The following CTNNA2 variants were observed in gnomAD, a reference collection of about 807,000 sequenced individuals.
CTNNA2 encodes the protein catenin alpha 2, also known as catenin alpha-2.
In CTNNA2, 42 loss-of-function variants were observed where a neutral mutation model predicts 101.0. The ratio of observed to expected loss-of-function variants is 0.42; its 90% confidence interval spans 0.32 to 0.54. The LOEUF (loss-of-function observed/expected upper bound fraction) is 0.54, where lower values mean the gene tolerates loss of function less well. Ranked by LOEUF, CTNNA2 falls within the 20% of genes least tolerant of loss-of-function variation. CTNNA2 has a pLI of 0.14. For synonymous variants in CTNNA2, 450 were observed against 456.4 expected (o/e 0.99, Z 0.18); for missense variants, 871 against 1,223.1 (o/e 0.71, Z 4.29).
chr2:79,651,263 A>G (rs1681228166), intron 1 of CTNNA2, among the ~76,000 whole-genome samples: 1 of 152,184 alleles, frequency 6.6e-6, no homozygotes, highest in African/African-American at 2.4e-5. Context: ...GCAGATAGGT[A>G]TGCATACTCA....
Position 80,629,652 on chromosome 2 carries a change from G to C in CTNNA2, c.2574+10424G>C, listed in dbSNP as rs145373220. Among the ~76,000 whole-genome samples the C allele has an allele frequency of 3.9e-3, 593 of 152,148 alleles. 7 individuals are homozygous for C. Among genetic ancestry groups the C allele is most frequent in the African/African-American group, 0.012 (492 of 41,518 alleles). Reference sequence around the variant, plus strand: ...AGGAAAACTGGGTTTGCTTCTTCAGGCTGGTTCAGTCTAGCCTCGTTTGGA... The same window carrying C: ...AGGAAAACTGGGTTTGCTTCTTCAGCCTGGTTCAGTCTAGCCTCGTTTGGA... On this transcript the variant is annotated intron_variant, in intron 18 of 18. Transcript: ENST00000402739.
chr2:79,599,084 C>G (rs1043690929), intron 1 of CTNNA2, among the ~76,000 whole-genome samples: 14 of 152,096 alleles, frequency 9.2e-5, no homozygotes, highest in Admixed American at 2.0e-4. Context: ...GTTGCCTTCT[C>G]TCTTTTGTGA....
intron 9 of CTNNA2, among the ~76,000 whole-genome samples, chr2:80,484,183 A>T (rs1434455977): frequency 1.3e-5 from 2 of 152,124 alleles, no homozygotes; most frequent in East Asian, 3.9e-4. Flanking sequence ...AATTTAAAGT[A>T]TGCTCACTTA....
intron 8 of CTNNA2, among the ~76,000 whole-genome samples, chr2:80,408,707 A>C: frequency 6.6e-6 from 1 of 152,192 alleles, no homozygotes; most frequent in East Asian, 1.9e-4. Flanking sequence ...TTGGGACATA[A>C]GGCTGGGAGT....
chr2:80,639,535 G>GTGTGTGTGTC (rs1224617726), intron 18 of CTNNA2, among the ~76,000 whole-genome samples: 1 of 151,802 alleles, frequency 6.6e-6, no homozygotes, highest in African/African-American at 2.4e-5. Context: ...GTGTGTGTGT[G>GTGTGTGTGTC]TGTGTCTGTG....
chr2:79,982,366 CAT>C (rs376540063), intron 7 of CTNNA2, among the ~76,000 whole-genome samples: 27,617 of 118,482 alleles, frequency 0.23, 4,218 homozygotes, highest in African/African-American at 0.43. Flanking sequence ...ACCTATATAA[CAT>C]ATATATAACA....
At chr2:79,716,743 G>A (rs569401847) in intron 2 of CTNNA2, among the ~76,000 whole-genome samples, 13 of 152,064 alleles carry the variant, frequency 8.5e-5, no homozygotes, top group African/African-American at 1.4e-4. Flanking sequence ...TTACACAGCC[G>A]TTGAAGAGTG....
At chr2:80,004,248 C>T (rs909789474) in intron 7 of CTNNA2, among the ~76,000 whole-genome samples, 1 of 152,232 alleles carries the variant, frequency 6.6e-6, no homozygotes, top group Admixed American at 6.5e-5. Context: ...GAGTAATATT[C>T]CTTGCAGACT....
intron 1 of CTNNA2, among the ~76,000 whole-genome samples, chr2:79,615,834 G>A (rs6547249): frequency 0.16 from 24,641 of 152,102 alleles, 3,447 homozygotes; most frequent in African/African-American, 0.39. Flanking sequence ...GTGTTTGTAT[G>A]TGCGTGTTGG....
At chr2:80,241,510 C>A (rs971778319) in intron 7 of CTNNA2, among the ~76,000 whole-genome samples, 9 of 151,984 alleles carry the variant, frequency 5.9e-5, no homozygotes. Context: ...CATGAACACC[C>A]TTCTTACATT....
chr2:80,539,099 A>G (rs976386089), intron 9 of CTNNA2, among the ~76,000 whole-genome samples: 9 of 152,052 alleles, frequency 5.9e-5, no homozygotes, highest in East Asian at 5.8e-4. Context: ...GCTCACTGTA[A>G]CCTCCACCTC....
At chr2:80,284,790 G>C (rs574847310) in intron 7 of CTNNA2, among the ~76,000 whole-genome samples, 1 of 152,030 alleles carries the variant, frequency 6.6e-6, no homozygotes, top group Non-Finnish European at 1.5e-5. Context: ...ACTCCATTTA[G>C]AATTTTGTCA....
At chr2:79,551,433 A>G (rs1441348503) in intron 1 of CTNNA2, among the ~76,000 whole-genome samples, 3 of 152,174 alleles carry the variant, frequency 2.0e-5, no homozygotes, top group Non-Finnish European at 4.4e-5. Flanking sequence ...ACATTTTTAC[A>G]TAAGATAAAG....
chr2:79,410,471 G>T (rs1382306502), intron 4 of CTNNA2, among the ~76,000 whole-genome samples: 3 of 152,030 alleles, frequency 2.0e-5, no homozygotes, highest in Non-Finnish European at 4.4e-5. Flanking sequence ...TTTGAGATTT[G>T]TCCCATCAAT....
At chr2:80,255,415 A>G (rs921990843) in intron 7 of CTNNA2, among the ~76,000 whole-genome samples, 6 of 151,978 alleles carry the variant, frequency 3.9e-5, no homozygotes, top group Non-Finnish European at 5.9e-5. Context: ...GAAAGAATGA[A>G]AGAAAAAAAA....
rs545767885 is a variant in CTNNA2 at position 80,321,285 on chromosome 2, G to A, written c.1057-71926G>A. ...TTGGAGAGGCTTTGGAGGTTTCATT[G>A]GGAGGGTTTAGAGATTTTCTATCGT... On this transcript the variant is annotated intron_variant, in intron 7 of 18. Coordinates refer to ENST00000402739, the MANE Select transcript of CTNNA2 (RefSeq NM_001282597.3). Among the ~76,000 whole-genome samples the A allele has an allele frequency of 1.5e-4, 23 of 152,276 alleles. 1 individual carries two copies. The East Asian group carries it at 4.1e-3, about 27-fold the overall frequency.
intron 1 of CTNNA2, among the ~76,000 whole-genome samples, chr2:79,582,816 C>A (rs1037937141): frequency 1.3e-5 from 2 of 152,088 alleles, no homozygotes; most frequent in African/African-American, 4.8e-5. Context: ...TGGATTGTAA[C>A]AAATGTATGC....
chr2:80,518,710 T>G (rs1031441558), intron 9 of CTNNA2, among the ~76,000 whole-genome samples: 2 of 152,168 alleles, frequency 1.3e-5, no homozygotes, highest in Non-Finnish European at 2.9e-5. Context: ...TCTCAAATAT[T>G]CTTGACTATT....
chr2:79,679,675 T>A (rs1181979257), intron 2 of CTNNA2, among the ~76,000 whole-genome samples: 1 of 152,140 alleles, frequency 6.6e-6, no homozygotes, highest in Non-Finnish European at 1.5e-5. Flanking sequence ...TGTCTTCTGA[T>A]GTTCCTAGTA....
Sources: allele counts gnomAD v4.1 joint callset (sites outside exome capture counted in the v4.1 genomes callset), GRCh38; gene constraint gnomAD v4.1.1; transcripts MANE v1.5; gene names NCBI Gene and HGNC (gene_info 2026-07-23, HGNC 2026-07-21).